Variants in SLC9A9 observed in about 807,000 individuals in gnomAD.
SLC9A9 encodes the protein sodium/hydrogen exchanger 9.
In SLC9A9, 62 loss-of-function variants were observed where a neutral mutation model predicts 77.8. That is an observed-to-expected ratio of 0.80 (90% CI 0.65 to 0.98). The LOEUF is 0.98. Ranked by LOEUF, SLC9A9 falls within the 50% of genes least tolerant of loss-of-function variation. The pLI is 0.00. For missense variants in SLC9A9, 775 were observed against 774.9 expected (o/e 1.00, Z 0.00); for synonymous variants, 320 against 283.5 (o/e 1.13, Z -1.29).
intron 4 of SLC9A9, among the ~76,000 whole-genome samples, chr3:143,694,882 A>T (rs1366755052): frequency 6.6e-6 from 1 of 152,172 alleles, no homozygotes; most frequent in African/African-American, 2.4e-5. Context: ...CTCTGAATTG[A>T]ACTCTTAAGC....
intron 12 of SLC9A9, among the ~76,000 whole-genome samples, chr3:143,390,390 G>A (rs985096888): frequency 2.6e-5 from 4 of 152,172 alleles, no homozygotes; most frequent in African/African-American, 7.2e-5. Flanking sequence ...ACTGTACCTC[G>A]GTTTCCTTTT....
chr3:143,584,366 C>A (rs1428540284), intron 6 of SLC9A9, among the ~76,000 whole-genome samples: 1 of 152,212 alleles, frequency 6.6e-6, no homozygotes, highest in Non-Finnish European at 1.5e-5. Flanking sequence ...CCTACTCACC[C>A]TCCTGGGTGC....
chr3:143,329,671 C>A lies in SLC9A9; in HGVS notation c.1604+33813G>T, dbSNP rs143953261. Among the ~76,000 whole-genome samples, 19 of 152,300 alleles carry A rather than the reference C, an allele frequency of 1.2e-4. No homozygotes were observed. The East Asian group carries it at 3.3e-3, about 26-fold the overall frequency. ...GTGCTCGCCTCTCTGGCAGAGGGAG[C>A]TTCACTTCTGTTCCATTCATCTCCC... is the stretch of plus-strand genomic sequence containing the variant. On this transcript the variant is annotated intron_variant, in intron 14 of 15. Transcript: ENST00000316549.
intron 9 of SLC9A9, among the ~76,000 whole-genome samples, chr3:143,544,420 G>C (rs2036748065): frequency 2.0e-5 from 3 of 151,948 alleles, no homozygotes. Flanking sequence ...GTAGAGACGG[G>C]GTTTCACTGT....
intron 4 of SLC9A9, among the ~76,000 whole-genome samples, chr3:143,712,452 A>G (rs1443146771): frequency 6.6e-6 from 1 of 152,250 alleles, no homozygotes; most frequent in African/African-American, 2.4e-5. Context: ...GTTGCTTGGC[A>G]TAGAATGAAA....
intron 12 of SLC9A9, among the ~76,000 whole-genome samples, chr3:143,425,306 A>T (rs1031136545): frequency 7.2e-6 from 1 of 138,696 alleles, no homozygotes; most frequent in African/African-American, 2.7e-5. Flanking sequence ...TCATCGTATC[A>T]GGACAAAATA....
chr3:143,369,189 C>T (rs13100230), intron 13 of SLC9A9, among the ~76,000 whole-genome samples: 1 of 152,020 alleles, frequency 6.6e-6, no homozygotes, highest in Admixed American at 6.6e-5. Context: ...CCAAGTTAAT[C>T]CAGAGATAAA....
chr3:143,447,909 G>A (rs1332629394), intron 12 of SLC9A9, among the ~76,000 whole-genome samples: 1 of 152,172 alleles, frequency 6.6e-6, no homozygotes, highest in Non-Finnish European at 1.5e-5. Context: ...GGATTTCTAT[G>A]TTCTATTTCT....
intron 1 of SLC9A9, among the ~76,000 whole-genome samples, chr3:143,845,495 A>G (rs2009813102): frequency 6.6e-6 from 1 of 152,232 alleles, no homozygotes; most frequent in African/African-American, 2.4e-5. Flanking sequence ...AATGCCACCC[A>G]TATGGAGTAC....
chr3:143,735,025 G>A (rs1560055136), intron 4 of SLC9A9, among the ~76,000 whole-genome samples: 2 of 152,186 alleles, frequency 1.3e-5, no homozygotes, highest in Non-Finnish European at 2.9e-5. Context: ...TTTAAGAAAT[G>A]AGAATAATTA....
At position 143,368,324 on chromosome 3, in the gene SLC9A9, G is replaced by A. The variant is rs557656734; in HGVS notation, c.1525-4761C>T. Among the ~76,000 whole-genome samples, 33 of 152,212 alleles carry A rather than the reference G, an allele frequency of 2.2e-4. 1 individual carries two copies. The South Asian group carries it at 6.8e-3, about 32-fold the overall frequency. On this transcript the variant is annotated intron_variant, in intron 13 of 15. Transcript: ENST00000316549. The stretch of plus-strand genomic sequence containing the variant: ...CCCCTGAGAGAAAACAAAAGGTTCT[G>A]GCAAGAAATCTGTGAAAAACAGACA...
At position 143,363,516 on chromosome 3, in the gene SLC9A9, C is replaced by A. The variant is rs151078834; in HGVS notation, c.1572G>T (p.Arg524=). Residue 524 remains arginine (R), a synonymous_variant, in exon 14 of 16, where the codon CGG becomes CGT. Coordinates refer to ENST00000316549, the MANE Select transcript of SLC9A9 (RefSeq NM_173653.4). ...CAAAGCTATACCACATTCTGAAGAGCCGAGCACTCTCTGCTTTCGTCATGT... is the reference window on the plus strand; with the variant it reads ...CAAAGCTATACCACATTCTGAAGAGACGAGCACTCTCTGCTTTCGTCATGT... ...DKNMTKAESA[R]LFRMWYSFDH... is the part of the protein sequence containing the mutation. The A allele has an allele frequency of 2.5e-6, 4 of 1,612,866 alleles. 1 individual carries two copies. The Middle Eastern group carries it at 4.9e-4, about 199-fold the overall frequency.
At chr3:143,378,821 A>G (rs933144374) in intron 13 of SLC9A9, among the ~76,000 whole-genome samples, 1 of 152,210 alleles carries the variant, frequency 6.6e-6, no homozygotes, top group Non-Finnish European at 1.5e-5. Flanking sequence ...CCAGAGTGTG[A>G]TATCTGCATA....
intron 11 of SLC9A9, among the ~76,000 whole-genome samples, chr3:143,483,763 A>G (rs2035610184): frequency 6.6e-6 from 1 of 152,120 alleles, no homozygotes; most frequent in African/African-American, 2.4e-5. Flanking sequence ...TTGAGGGTAA[A>G]GAAAATGGAC....
chr3:143,574,046 A>G (rs2037313789), intron 8 of SLC9A9, 42 bp downstream of exon 8: 2 of 1,549,744 alleles, frequency 1.3e-6, no homozygotes, highest in Non-Finnish European at 8.9e-7. Flanking sequence ...AGCCACACAC[A>G]TATTCACACA....
chr3:143,719,582 A>G (rs544451068), intron 4 of SLC9A9, among the ~76,000 whole-genome samples: 73 of 152,292 alleles, frequency 4.8e-4, no homozygotes, highest in African/African-American at 1.6e-3. Flanking sequence ...ATTCTTTACA[A>G]TGATGTGGCC....
At chr3:143,416,901 C>G (rs2034205475) in intron 12 of SLC9A9, among the ~76,000 whole-genome samples, 2 of 152,150 alleles carry the variant, frequency 1.3e-5, no homozygotes, top group Admixed American at 6.5e-5. Flanking sequence ...GAAATCAAAT[C>G]ATTTCATCAT....
At chr3:143,673,842 G>A (rs181685395) in intron 5 of SLC9A9, among the ~76,000 whole-genome samples, 396 of 151,912 alleles carry the variant, frequency 2.6e-3, no homozygotes, top group African/African-American at 8.5e-3. Context: ...TCCACATGAG[G>A]ATAAATATAA....
At chr3:143,378,930 A>T (rs1158681960) in intron 13 of SLC9A9, among the ~76,000 whole-genome samples, 1 of 152,204 alleles carries the variant, frequency 6.6e-6, no homozygotes, top group Non-Finnish European at 1.5e-5. Flanking sequence ...AAGTTGTGAC[A>T]TTACTAGTTA....
Sources: allele counts gnomAD v4.1 joint callset (sites outside exome capture counted in the v4.1 genomes callset), GRCh38; gene constraint gnomAD v4.1.1; transcripts MANE v1.5; gene names NCBI Gene and HGNC (gene_info 2026-07-23, HGNC 2026-07-21).